The following SLC5A6 variants were observed in gnomAD, a reference collection of about 807,000 sequenced individuals.
The protein encoded by SLC5A6 is solute carrier family 5 member 6, also known as sodium-dependent multivitamin transporter.
In SLC5A6, 31 loss-of-function variants were observed where a neutral mutation model predicts 67.9. The observed-to-expected ratio is 0.46, with a 90% CI of 0.34 to 0.62. SLC5A6 has a LOEUF of 0.62. Ranked by LOEUF, SLC5A6 falls within the 20% of genes least tolerant of loss-of-function variation. SLC5A6 has a pLI of 0.01. For synonymous variants in SLC5A6, 343 were observed against 331.0 expected (o/e 1.04, Z -0.39); for missense variants, 673 against 812.8 (o/e 0.83, Z 2.09).
chr2:27,207,362 T>C lies in SLC5A6; in HGVS notation c.289A>G (p.Thr97Ala), dbSNP rs780385392. 1.9e-6 allele frequency: 3 copies of C among 1,613,964 alleles called. No individual in the cohort carries two copies. The South Asian group carries it at 3.3e-5, about 18-fold the overall frequency. Residue 97 changes from threonine (T) to alanine (A), a missense_variant, in exon 3 of 17, where the codon ACC becomes GCC. Transcript: ENST00000310574. The surrounding 1 kb of genome is among the most constrained non-coding windows in gnomAD (Gnocchi z 5.5). ...CAGCAGCCCAGGAACCAATATTGGG[T>C]CCCAAATCGGTAGATCTCTGACGGC... Reference protein sequence around the residue: ...GVPSEIYRFGTQYWFLGCCYF... With the variant: ...GVPSEIYRFGAQYWFLGCCYF...
rs138079521 is a variant in SLC5A6, at chr2:27,201,359, G to A, written c.1639C>T (p.Leu547=). The change falls in exon 15 of 17, where the codon CTA becomes TTA. Residue 547 remains leucine, a synonymous_variant. Coordinates refer to ENST00000310574, the MANE Select transcript of SLC5A6 (RefSeq NM_021095.4). ...AATCCCACACCCTTACCAGTGAGTA[G>A]ACTGACAATCAGGCCCACCACAATC... ...TVIVVGLIVS[L]LTGRMRGRSL... is the part of the protein sequence containing the mutation. The A allele has an allele frequency of 2.4e-4, 379 of 1,604,902 alleles. 1 individual carries two copies. In the South Asian group the frequency reaches 3.4e-3, roughly 14 times the overall value.
At position 27,206,026 on chromosome 2, in the gene SLC5A6, C is replaced by T. The variant is rs763029656; in HGVS notation, c.579G>A (p.Leu193=). The T allele has an allele frequency of 9.9e-6, 16 of 1,611,840 alleles. No homozygotes were observed. In the African/African-American group the frequency reaches 1.2e-4, roughly 12 times the overall value. ...CCACACCACGGCTTACTGCACTTAC[C>T]AGAGCTGTATAGACGGTACAGACAA... ...LGIVCTVYTA[L]GGLKAVIWTD... is the part of the protein sequence containing the mutation. Residue 193 remains leucine, a splice_region_variant and synonymous_variant, in exon 6 of 17, where the codon CTG becomes CTA. Coordinates refer to ENST00000310574, the MANE Select transcript of SLC5A6 (RefSeq NM_021095.4).
In SLC5A6 at chr2:27,206,650, C is replaced by T. The variant is rs969577017; in HGVS notation, c.460-116G>A. 4.9e-5 allele frequency: 51 copies of T among 1,032,000 alleles called. No homozygotes were observed. The African/African-American group carries it at 6.9e-4, about 14-fold the overall frequency. 63.9% of individuals were successfully genotyped at this position (1,032,000 alleles called of 1,614,324 possible). Reference sequence around the variant, plus strand: ...CTTCCCCTCACCTAGGCTCACTTCCCTCTTCCTTCTCCTCTCAAATTCTGG... The same window carrying T: ...CTTCCCCTCACCTAGGCTCACTTCCTTCTTCCTTCTCCTCTCAAATTCTGG... On this transcript the variant is annotated intron_variant, in intron 4 of 16. Transcript: ENST00000310574.
At position 27,204,555 on chromosome 2, in the gene SLC5A6, G is replaced by A; in HGVS notation, c.911C>T (p.Ser304Phe). The A allele has an allele frequency of 6.2e-7, 1 of 1,614,082 alleles. No homozygotes were observed. The change falls in exon 9 of 17, where the codon TCC becomes TTC. Residue 304 changes from serine (S) to phenylalanine (F), a missense_variant. Coordinates refer to ENST00000310574, the MANE Select transcript of SLC5A6 (RefSeq NM_021095.4). ...GCCAATGAGGCAGCCCACGCAGAGG[G>A]ACACCTGCTGGAAGGGGAACACTGC... is the stretch of plus-strand genomic sequence containing the variant. ...CYAVFPFQQV[S>F]LCVGCLIGLV...
chr2:27,206,144 G>A (rs1390020750), intron 5 of SLC5A6, 51 bp from the exon 6 acceptor site: 2 of 1,511,272 alleles, frequency 1.3e-6, no homozygotes, highest in Non-Finnish European at 1.8e-6. Context: ...TTCCCCAGGG[G>A]AGAAGCCCTG....
At position 27,201,710 on chromosome 2, in the gene SLC5A6, G is replaced by A. The variant is rs750797839; in HGVS notation, c.1500C>T (p.Thr500=). 1.1e-5 allele frequency: 18 copies of A among 1,614,162 alleles called. No homozygotes were observed. Among genetic ancestry groups the A allele is most frequent in the Admixed American group, 3.3e-5 (2 of 60,028 alleles). ...GSSFSLPTNL[T]VATVTTLMPL... ...GCATCAGTGTGGTCACAGTGGCAACGGTTAGATTGGTGGGCAGGGAGAAGC... is the reference window on the plus strand; with the variant it reads ...GCATCAGTGTGGTCACAGTGGCAACAGTTAGATTGGTGGGCAGGGAGAAGC... Residue 500 remains threonine, a synonymous_variant, in exon 14 of 17, where the codon ACC becomes ACT. Transcript: ENST00000310574.
intron 2 of SLC5A6, among the ~76,000 whole-genome samples, chr2:27,209,953 T>C (rs926704996): frequency 6.6e-6 from 1 of 152,218 alleles, no homozygotes; most frequent in Non-Finnish European, 1.5e-5. Flanking sequence ...CACCCTGAGT[T>C]TTCTCATTCG....
chr2:27,202,719 T>G, intron 12 of SLC5A6, 94 bp downstream of exon 12: 1 of 1,081,582 alleles, frequency 9.2e-7, no homozygotes, highest in Non-Finnish European at 1.4e-6. Context: ...TGCCCCCCGG[T>G]CATTCCCCTC....
chr2:27,202,831 C>A lies in SLC5A6; in HGVS notation c.1257G>T (p.Gln419His). 6.2e-7 allele frequency: 1 copy of A among 1,614,068 alleles called. No individual in the cohort carries two copies. Among genetic ancestry groups the A allele is most frequent in the Non-Finnish European group, 8.5e-7 (1 of 1,179,954 alleles). Residue 419 changes from glutamine to histidine, a missense_variant, in exon 12 of 17, where the codon CAG becomes CAT. Transcript: ENST00000310574. ...LCLGMAYISSQMGPVLQAAIS... is the reference protein window; with the variant it reads ...LCLGMAYISSHMGPVLQAAIS... Reference sequence around the variant, plus strand: ...TTATTACCTGCAGCACAGGTCCCATCTGGGAGGAAATATAGGCCATTCCTA... The same window carrying A: ...TTATTACCTGCAGCACAGGTCCCATATGGGAGGAAATATAGGCCATTCCTA...
At chr2:27,212,385 C>A (rs755297948), upstream of SLC5A6, 8 of 1,550,566 alleles carry the variant, frequency 5.2e-6, no homozygotes, top group African/African-American at 1.4e-5. Context: ...CCTCACGACC[C>A]GGGTAGTCTT....
intron 12 of SLC5A6, among the ~76,000 whole-genome samples, chr2:27,202,584 T>C (rs1673740362): frequency 6.6e-6 from 1 of 150,480 alleles, no homozygotes; most frequent in African/African-American, 2.5e-5. Context: ...GTGTTTTGAG[T>C]TCTCTGAGGC....
upstream of SLC5A6, chr2:27,212,680 A>C: frequency 7.4e-7 from 1 of 1,359,774 alleles, no homozygotes; most frequent in Non-Finnish European, 9.5e-7. Context: ...AGACCTGTGA[A>C]ACTTGATTTC....
At chr2:27,203,943 T>A in intron 9 of SLC5A6, 76 bp from the exon 10 acceptor site, 1 of 1,059,202 alleles carries the variant, frequency 9.4e-7, no homozygotes, top group South Asian at 1.3e-5. Flanking sequence ...GGAAGCTCCC[T>A]TTACATGTGC....
intron 2 of SLC5A6, among the ~76,000 whole-genome samples, chr2:27,209,482 G>A (rs1352760180): frequency 6.6e-6 from 1 of 152,174 alleles, no homozygotes; most frequent in Admixed American, 6.5e-5. Flanking sequence ...CAAGAAAACT[G>A]AGAGATTAAA....
Position 27,204,390 on chromosome 2 carries a change from C to G in SLC5A6, c.1005+71G>C. The G allele has an allele frequency of 3.3e-6, 5 of 1,514,336 alleles. 1 individual carries two copies. Among genetic ancestry groups the G allele is most frequent in the South Asian group, 2.6e-5 (2 of 77,124 alleles). 93.8% of individuals were successfully genotyped at this position (1,514,336 alleles called of 1,614,324 possible). On this transcript the variant is annotated intron_variant, in intron 9 of 16. Transcript: ENST00000310574. Reference sequence around the variant, plus strand: ...GGTGGGAGTCCTTTCTGCAGTCAGTCCTTTCCTACCTAGACACTCCTGTTG... The same window carrying G: ...GGTGGGAGTCCTTTCTGCAGTCAGTGCTTTCCTACCTAGACACTCCTGTTG...
rs1167583048 is a variant in SLC5A6, at chr2:27,207,837, C to T, written c.-140-47G>A. 1.6e-6 allele frequency: 1 copy of T among 614,862 alleles called. No individual in the cohort carries two copies. Among genetic ancestry groups the T allele is most frequent in the Non-Finnish European group, 2.9e-6 (1 of 350,786 alleles). 38.1% of individuals were successfully genotyped at this position (614,862 alleles called of 1,614,324 possible). ...GTGAGGCCTATCTGGCCTTGGTAGC[C>T]ATTCACCCTTGGGCCTTGTACATCG... is the stretch of plus-strand genomic sequence containing the variant. On this transcript the variant is annotated intron_variant, in intron 2 of 16. Coordinates refer to ENST00000310574, the MANE Select transcript of SLC5A6 (RefSeq NM_021095.4). This position sits in a 1 kb window ranked among gnomAD's most constrained non-coding sequence, Gnocchi z 5.5.
chr2:27,204,739 G>A (rs1025197869), intron 8 of SLC5A6, 52 bp downstream of exon 8: 1 of 1,611,746 alleles, frequency 6.2e-7, no homozygotes, highest in African/African-American at 1.3e-5. Flanking sequence ...TTATCTCTGG[G>A]GAACCCCTTC....
At chr2:27,206,775 C>T in intron 4 of SLC5A6, 102 bp downstream of exon 4, 1 of 1,024,776 alleles carries the variant, frequency 9.8e-7, no homozygotes, top group Non-Finnish European at 1.6e-6. Context: ...GAATTTCAAT[C>T]CTGCCAATCT....
chr2:27,201,490 T>C (rs1239472860), intron 14 of SLC5A6, 37 bp from the exon 15 acceptor site: 10 of 1,473,120 alleles, frequency 6.8e-6, no homozygotes, highest in Non-Finnish European at 9.5e-6. Context: ...TAGCAATTCG[T>C]TGGCAGGGCA....
Sources: gnomAD v4.1 joint callset for allele counts (sites outside exome capture counted in the v4.1 genomes callset) on GRCh38, gnomAD v4.1.1 for gene constraint, Gnocchi (gnomAD v3.1) non-coding constraint, MANE v1.5 for transcripts, NCBI Gene and HGNC (gene_info 2026-07-23, HGNC 2026-07-21) for gene names.